Variants in TSEN2 observed in about 807,000 individuals in gnomAD.
The protein encoded by TSEN2 is tRNA-splicing endonuclease subunit Sen2.
TSEN2 carries 54 observed loss-of-function variants against 59.2 expected under a neutral mutation model. The ratio of observed to expected loss-of-function variants is 0.91; its 90% CI spans 0.73 to 1.14. TSEN2 has a LOEUF of 1.14. Among genes scored for constraint, TSEN2 ranks in the 50% most tolerant of loss-of-function variants. TSEN2 has a pLI of 0.00. For synonymous variants in TSEN2, 195 were observed against 198.2 expected, an observed-to-expected ratio of 0.98 and a Z score of 0.14; for missense variants, 636 against 576.2, an observed-to-expected ratio of 1.10 and a Z score of -1.06.
At chr3:12,506,476 T>G (rs1456455482) in intron 6 of TSEN2, among the ~76,000 whole-genome samples, 3 of 151,666 alleles carry the variant, frequency 2.0e-5, no homozygotes, top group African/African-American at 7.3e-5. Context: ...ATGCCTGTAG[T>G]CTCAACTACT....
rs1312158539 is a variant in TSEN2 at position 12,484,504 on chromosome 3, T to TGGGGCCAAGAAAGGTAA, written c.-390_-374dup. 6.6e-6 allele frequency: 1 copy of TGGGGCCAAGAAAGGTAA among 151,954 alleles called. No individual in the cohort carries two copies. The highest frequency in any genetic ancestry group is 2.4e-5 in the African/African-American group (1 of 41,216). 9.4% of individuals were successfully genotyped at this position (151,954 alleles called of 1,614,324 possible). On this transcript the variant is annotated 5_prime_UTR_variant, in exon 1 of 12. Coordinates refer to ENST00000284995, the MANE Select transcript of TSEN2 (RefSeq NM_025265.4). ...CGTTGCCGGGGTAACGGCGAGCGCG[T>TGGGGCCAAGAAAGGTAA]GGGGCCAAGAAAGGTAAGGGCCCTG...
At chr3:12,512,283 TCAATG>T (rs1321435253) in intron 6 of TSEN2, among the ~76,000 whole-genome samples, 1 of 152,258 alleles carries the variant, frequency 6.6e-6, no homozygotes, top group Non-Finnish European at 1.5e-5. Context: ...AAAATGGACT[TCAATG>T]CAATGTTTTT....
intron 6 of TSEN2, 111 bp from the exon 7 acceptor site, chr3:12,516,500 G>A: frequency 1.5e-6 from 1 of 681,672 alleles, no homozygotes; most frequent in South Asian, 1.4e-5. Context: ...CCTTTTTGAT[G>A]ATGACTTAAG....
intron 10 of TSEN2, chr3:12,530,260 C>CAGAT (rs1412537132): frequency 3.0e-6 from 3 of 1,009,188 alleles, no homozygotes; most frequent in African/African-American, 3.5e-5. Context: ...TGAAAGTTTG[C>CAGAT]AGATCTCTTA....
At chr3:12,535,535 C>T (rs575778922), downstream of TSEN2, among the ~76,000 whole-genome samples, 4 of 152,088 alleles carry the variant, frequency 2.6e-5, no homozygotes, top group South Asian at 6.2e-4. Context: ...TTCTTTCTAA[C>T]GTTGTGTGTG....
At chr3:12,521,493 T>C (rs1413385615) in intron 8 of TSEN2, among the ~76,000 whole-genome samples, 1 of 152,010 alleles carries the variant, frequency 6.6e-6, no homozygotes, top group Non-Finnish European at 1.5e-5. Context: ...GGCAGGTGGG[T>C]CACCTGAGGT....
At chr3:12,528,662 G>A (rs544667276) in intron 8 of TSEN2, among the ~76,000 whole-genome samples, 17 of 152,368 alleles carry the variant, frequency 1.1e-4, no homozygotes, top group Non-Finnish European at 1.9e-4. Context: ...CAAGTCTGCA[G>A]TGAGCCATGG....
chr3:12,498,405 C>T (rs1027092424), intron 4 of TSEN2, among the ~76,000 whole-genome samples: 1 of 152,146 alleles, frequency 6.6e-6, no homozygotes, highest in Non-Finnish European at 1.5e-5. Context: ...CCTTCCTCAG[C>T]GCTCTTGATA....
intron 1 of TSEN2, among the ~76,000 whole-genome samples, chr3:12,488,217 CCAATGGGATG>C (rs2052831051): frequency 6.6e-6 from 1 of 152,172 alleles, no homozygotes; most frequent in Non-Finnish European, 1.5e-5. Context: ...GCATCCCTTG[CCAATGGGATG>C]CAAGTACTGA....
chr3:12,491,778 C>G (rs187871151), intron 2 of TSEN2, among the ~76,000 whole-genome samples: 43 of 152,154 alleles, frequency 2.8e-4, no homozygotes, highest in Non-Finnish European at 5.0e-4. Context: ...GTTCCACTTC[C>G]GTGGATTCAC....
At chr3:12,517,507 C>T (rs958830171) in intron 7 of TSEN2, among the ~76,000 whole-genome samples, 4 of 152,086 alleles carry the variant, frequency 2.6e-5, no homozygotes, top group Non-Finnish European at 2.9e-5. Context: ...GCTGTTGTTG[C>T]CTGCTGCCTT....
chr3:12,538,003 G>C (rs1337038212), downstream of TSEN2, among the ~76,000 whole-genome samples: 2 of 152,112 alleles, frequency 1.3e-5, no homozygotes, highest in African/African-American at 4.8e-5. Context: ...TTGATTTCTT[G>C]AACACCATGG....
intron 11 of TSEN2, among the ~76,000 whole-genome samples, chr3:12,532,390 C>T (rs181299959): frequency 3.3e-5 from 5 of 152,320 alleles, no homozygotes; most frequent in Admixed American, 1.3e-4. Flanking sequence ...GCTTTCATCC[C>T]GCCCACCTGT....
intron 2 of TSEN2, among the ~76,000 whole-genome samples, chr3:12,491,100 A>G (rs1450466882): frequency 6.6e-6 from 1 of 151,870 alleles, no homozygotes; most frequent in East Asian, 1.9e-4. Flanking sequence ...AAGTGATTCT[A>G]CCACCTCAGC....
intron 5 of TSEN2, among the ~76,000 whole-genome samples, chr3:12,504,400 A>G (rs2054602979): frequency 6.6e-6 from 1 of 151,092 alleles, no homozygotes; most frequent in Non-Finnish European, 1.5e-5. Flanking sequence ...AGGGCAATAT[A>G]GCAAGACCTC....
chr3:12,516,444 A>ATGTGTGTG (rs1289799497), intron 6 of TSEN2, among the ~76,000 whole-genome samples, 167 bp from the exon 7 acceptor site: 41 of 51,632 alleles, frequency 7.9e-4, no homozygotes, highest in African/African-American at 3.4e-3. Context: ...CAAACAAAAT[A>ATGTGTGTG]TATGTGTGTG....
At chr3:12,527,443 C>CTT (rs895117307) in intron 8 of TSEN2, among the ~76,000 whole-genome samples, 3 of 137,690 alleles carry the variant, frequency 2.2e-5, no homozygotes, top group South Asian at 2.3e-4. Flanking sequence ...TTGAACTTTT[C>CTT]TTTTTTTTTT....
intron 4 of TSEN2, among the ~76,000 whole-genome samples, chr3:12,497,044 C>T (rs952660653): frequency 9.9e-5 from 15 of 152,230 alleles, no homozygotes; most frequent in Non-Finnish European, 1.6e-4. Context: ...CAATCCTGCT[C>T]ATGCCTGACC....
At chr3:12,528,190 T>C (rs2057233308) in intron 8 of TSEN2, among the ~76,000 whole-genome samples, 1 of 152,230 alleles carries the variant, frequency 6.6e-6, no homozygotes, top group Non-Finnish European at 1.5e-5. Flanking sequence ...TCAGACACTT[T>C]GCATTACGTT....
Sources: allele counts gnomAD v4.1 joint callset (sites outside exome capture counted in the v4.1 genomes callset), GRCh38; gene constraint gnomAD v4.1.1; transcripts MANE v1.5; gene names NCBI Gene and HGNC (gene_info 2026-07-23, HGNC 2026-07-21).